Variants in PARP4 observed in about 807,000 individuals in gnomAD.
PARP4 encodes the protein protein mono-ADP-ribosyltransferase PARP4.
In PARP4, 120 loss-of-function variants were observed where a neutral mutation model predicts 187.7. The observed-to-expected ratio is 0.64, with a 90% CI of 0.55 to 0.74. PARP4 has a LOEUF of 0.74. Among genes scored for constraint, PARP4 ranks in the 30% least tolerant of loss-of-function variants. PARP4 has a pLI of 0.00. For missense variants in PARP4, 1,836 were observed against 2,070.5 expected, an observed-to-expected ratio of 0.89 and a Z score of 2.20; for synonymous variants, 654 against 740.9, an observed-to-expected ratio of 0.88 and a Z score of 1.90.
At chr13:24,440,999 G>C (rs894153384) in intron 30 of PARP4, among the ~76,000 whole-genome samples, 2 of 152,112 alleles carry the variant, frequency 1.3e-5, no homozygotes, top group Non-Finnish European at 2.9e-5. Context: ...AGCCTCTTGA[G>C]TAGCTGGGAC....
At chr13:24,508,147 A>G (rs953602722) in intron 1 of PARP4, among the ~76,000 whole-genome samples, 2 of 152,136 alleles carry the variant, frequency 1.3e-5, no homozygotes, top group African/African-American at 2.4e-5. Context: ...AGGTTAATCT[A>G]TGCTAGTCGT....
In PARP4 at chr13:24,493,054, AG is replaced by A. The variant is rs3837550; in HGVS notation, c.880-461del. ...GAGATAAATTAGTTTAATTCCACAG[AG>A]GAAAATTGACCATATTATTTCAATA... On this transcript the variant is annotated intron_variant, in intron 8 of 33. Coordinates refer to ENST00000381989, the MANE Select transcript of PARP4 (RefSeq NM_006437.4). Among the ~76,000 whole-genome samples the A allele has an allele frequency of 1.3e-3, 196 of 152,374 alleles. 3 individuals are homozygous for A. The East Asian group carries it at 0.02, about 16-fold the overall frequency.
In PARP4 at chr13:24,499,629, A is replaced by C. The variant is rs537087561; in HGVS notation, c.402-253T>G. Among the ~76,000 whole-genome samples the C allele has an allele frequency of 2.0e-4, 31 of 152,258 alleles. No individual in the cohort carries two copies. The East Asian group carries it at 5.4e-3, about 27-fold the overall frequency. ...AGATACCCAGCACTGTAGCGTCTGC[A>C]CTGGAAGATGGTCTCCACGCGGCAG... On this transcript the variant is annotated intron_variant, in intron 4 of 33. Transcript: ENST00000381989.
At chr13:24,503,564 C>G (rs759472734) in intron 2 of PARP4, 81 bp downstream of exon 2, 3 of 1,503,716 alleles carry the variant, frequency 2.0e-6, no homozygotes, top group Non-Finnish European at 2.8e-6. Context: ...CTGCTAATCT[C>G]TGCTTCCTCT....
At chr13:24,455,491 ATATATATATATATAT>A (rs1278967868) in intron 21 of PARP4, among the ~76,000 whole-genome samples, 1 of 138,810 alleles carries the variant, frequency 7.2e-6, no homozygotes, top group Non-Finnish European at 1.6e-5. Flanking sequence ...ATATATATAT[ATATATATATATATAT>A]CACACTATTC....
At position 24,421,017 on chromosome 13, in the gene PARP4, C is replaced by T; in HGVS notation, c.*102G>A. 6.9e-7 allele frequency: 1 copy of T among 1,456,650 alleles called. No homozygotes were observed. The highest frequency in any genetic ancestry group is 9.1e-7 in the Non-Finnish European group (1 of 1,093,990). 90.2% of individuals were successfully genotyped at this position (1,456,650 alleles called of 1,614,324 possible). On this transcript the variant is annotated 3_prime_UTR_variant, in exon 34 of 34. Transcript: ENST00000381989. ...ATTTTTAAAGACAGTAATTGCTACACTGAATGAAACCTTAATGAAGTTTCA... is the reference window on the plus strand; with the variant it reads ...ATTTTTAAAGACAGTAATTGCTACATTGAATGAAACCTTAATGAAGTTTCA...
At chr13:24,454,984 G>A in intron 22 of PARP4, 33 bp downstream of exon 22, 3 of 1,503,116 alleles carry the variant, frequency 2.0e-6, no homozygotes, top group Non-Finnish European at 2.7e-6. Flanking sequence ...TGTAGGGGAA[G>A]CACACGCAGG....
Position 24,494,738 on chromosome 13 carries a change from T to C in PARP4, c.592-16A>G, listed in dbSNP as rs1388799002. 3.8e-6 allele frequency: 6 copies of C among 1,573,120 alleles called. No homozygotes were observed. The highest frequency in any genetic ancestry group is 1.4e-5 in the African/African-American group (1 of 73,340). ...GTCTTCTAGTCTGTGAATTATGGTGTATAGCAAAAGTACAGTCATTATTTA... is the reference window on the plus strand; with the variant it reads ...GTCTTCTAGTCTGTGAATTATGGTGCATAGCAAAAGTACAGTCATTATTTA... On this transcript the variant is annotated splice_polypyrimidine_tract_variant and intron_variant, in intron 6 of 33. Transcript: ENST00000381989.
chr13:24,440,510 C>A (rs1355765545), intron 30 of PARP4, among the ~76,000 whole-genome samples: 2 of 151,650 alleles, frequency 1.3e-5, no homozygotes, highest in African/African-American at 4.9e-5. Context: ...CAACAGTGCC[C>A]GTTTCAGACA....
rs13428 is a variant in PARP4, at chr13:24,435,303, C to G, written c.3838G>C (p.Gly1280Arg). The change falls in exon 31 of 34, where the codon GGT (glycine) becomes CGT (arginine). Residue 1280 changes from glycine (G) to arginine (R), a missense_variant. Gly to Arg is a moderately radical substitution (Grantham distance 125). Transcript: ENST00000381989. ...CTTAAATCCAATAGCTTTTCCACAC[C>G]TCCACGTTCCAAATTTGATGTGAAA... is the stretch of plus-strand genomic sequence containing the variant. ...PAFTSNLERG[G>R]VEKLLDLSWT... is the part of the protein sequence containing the mutation. 0.37 allele frequency: 594,938 copies of G among 1,611,868 alleles called. 110,993 individuals carry two copies. The highest frequency in any genetic ancestry group is 0.46 in the African/African-American group (34,628 of 74,912).
At chr13:24,494,029 T>C (rs868770871) in intron 7 of PARP4, among the ~76,000 whole-genome samples, 1 of 152,320 alleles carries the variant, frequency 6.6e-6, no homozygotes, top group Middle Eastern at 3.4e-3. Context: ...TTAAGGACCC[T>C]TGACTCATGG....
intron 15 of PARP4, among the ~76,000 whole-genome samples, chr13:24,470,247 G>A (rs1309192577): frequency 1.4e-4 from 22 of 152,198 alleles, no homozygotes. Context: ...ATGTCTGACT[G>A]GAATAGAAGC....
At chr13:24,431,537 A>G (rs1436784612) in intron 31 of PARP4, 61 bp from the exon 32 acceptor site, 1 of 1,065,572 alleles carries the variant, frequency 9.4e-7, no homozygotes, top group African/African-American at 1.6e-5. Context: ...ATAAGAAGTT[A>G]CGTAGTGGGG....
At chr13:24,443,258 A>G (rs1295979856) in intron 28 of PARP4, among the ~76,000 whole-genome samples, 2 of 150,894 alleles carry the variant, frequency 1.3e-5, no homozygotes, top group African/African-American at 4.9e-5. Flanking sequence ...GGGGGGAGTC[A>G]GGTGGGCTTT....
chr13:24,446,987 A>G (rs746374589), intron 26 of PARP4, 29 bp downstream of exon 26: 12 of 1,505,496 alleles, frequency 8.0e-6, no homozygotes, highest in African/African-American at 1.5e-5. Context: ...TGGTCTTCCC[A>G]TAGAATAACA....
intron 3 of PARP4, among the ~76,000 whole-genome samples, chr13:24,500,650 T>C (rs1380063072): frequency 2.6e-5 from 4 of 152,244 alleles, no homozygotes; most frequent in Admixed American, 2.6e-4. Context: ...AATTTTCAAT[T>C]GGCACTTTCT....
chr13:24,447,674 A>G (rs1871281001), intron 25 of PARP4, among the ~76,000 whole-genome samples: 4 of 152,214 alleles, frequency 2.6e-5, no homozygotes, highest in Non-Finnish European at 5.9e-5. Flanking sequence ...ATTTTAAATA[A>G]TAGCATGATC....
At chr13:24,422,023 A>G (rs960265277) in intron 33 of PARP4, among the ~76,000 whole-genome samples, 3 of 152,208 alleles carry the variant, frequency 2.0e-5, no homozygotes, top group African/African-American at 7.2e-5. Context: ...GGGAAACTTA[A>G]TATTTTGAAA....
rs962883784 is a variant in PARP4 at position 24,506,164 on chromosome 13, C to A, written c.-1-2387G>T. On this transcript the variant is annotated intron_variant, in intron 1 of 33. Transcript: ENST00000381989. The stretch of plus-strand genomic sequence containing the variant: ...GAAGTTTGTTCCTTCCTTGGTCTCA[C>A]TGACATCAAGTATGAAGCCGCAGAC... Among the ~76,000 whole-genome samples, 4 of 151,916 alleles carry A rather than the reference C, an allele frequency of 2.6e-5. No individual in the cohort carries two copies. The East Asian group carries it at 7.7e-4, about 29-fold the overall frequency.
Sources: gnomAD v4.1 joint callset for allele counts (sites outside exome capture counted in the v4.1 genomes callset) on GRCh38, gnomAD v4.1.1 for gene constraint, MANE v1.5 for transcripts, NCBI Gene and HGNC (gene_info 2026-07-23, HGNC 2026-07-21) for gene names.